The following RIPPLY1 variants were observed in gnomAD, a reference collection of about 807,000 sequenced individuals.
RIPPLY1 encodes the protein protein ripply1.
Under a neutral mutation model 8.7 loss-of-function variants are expected in RIPPLY1, and 10 were observed. That is an observed-to-expected ratio of 1.15 (90% CI 0.71 to 1.94). The LOEUF is 1.94. Ranked by LOEUF, RIPPLY1 falls within the 30% of genes most tolerant of loss-of-function variation. The pLI, the probability that RIPPLY1 is intolerant of heterozygous loss-of-function variation, is 0.00. For missense variants in RIPPLY1, 118 were observed against 108.7 expected (o/e 1.09, Z -0.38); for synonymous variants, 54 against 44.8 (o/e 1.20, Z -0.82).
rs1290418333 is a variant in RIPPLY1 at position 106,902,854 on chromosome X, T to C, written c.155+279A>G. ...GCCCAGGTTTCATGGCAGTTCCCCA[T>C]CCCCCTCAGGGGACTCAGCCACCTG... On this transcript the variant is annotated intron_variant, in intron 1 of 3. Transcript: ENST00000276173. Among the ~76,000 whole-genome samples the C allele has an allele frequency of 7.1e-5, 8 of 112,124 alleles. No homozygotes were observed. The South Asian group carries it at 1.5e-3, about 21-fold the overall frequency.
rs1470837761 is a variant in RIPPLY1, at chrX:106,902,164, C to T, written c.207G>A (p.Arg69=). 2.5e-6 allele frequency: 3 copies of T among 1,192,778 alleles called. No individual in the cohort carries two copies. The highest frequency in any genetic ancestry group is 3.4e-6 in the Non-Finnish European group (3 of 886,402). ...CCAAATCCACCAGCTTCCTCATCTG[C>T]CTTGGGGAGTCATTTGTGGAAGACA... ...PWLSSTNDSP[R]QMRKLVDLAA... The change falls in exon 2 of 4, where the codon AGG becomes AGA. Residue 69 remains arginine, a synonymous_variant. Coordinates refer to ENST00000276173, the MANE Select transcript of RIPPLY1 (RefSeq NM_138382.3).
chrX:106,901,368 A>T, intron 3 of RIPPLY1, 106 bp downstream of exon 3: 3 of 796,073 alleles, frequency 3.8e-6, no homozygotes, highest in Non-Finnish European at 5.6e-6. Context: ...TGAAACAGCG[A>T]TCATAGATAG....
intron 1 of RIPPLY1, 76 bp from the exon 2 acceptor site, chrX:106,902,291 C>T (rs1402339664): frequency 2.2e-6 from 2 of 909,946 alleles, no homozygotes; most frequent in Non-Finnish European, 3.1e-6. Flanking sequence ...AAGAGACCTC[C>T]CAAAAGCTTG....
chrX:106,901,623 G>A lies in RIPPLY1; in HGVS notation c.232-85C>T, dbSNP rs749492848. 65 of 992,279 alleles carry A rather than the reference G, an allele frequency of 6.6e-5. No individual in the cohort carries two copies. The African/African-American group carries it at 1.1e-3, about 17-fold the overall frequency. The allele number at this position is 992,279 out of a possible 1,213,427, so 81.8% of individuals were successfully genotyped here. On this transcript the variant is annotated intron_variant, in intron 2 of 3. Coordinates refer to ENST00000276173, the MANE Select transcript of RIPPLY1 (RefSeq NM_138382.3). Reference sequence around the variant, plus strand: ...TGTACTAGAGGTCAGAAAGCTGCAGGTAAAATGATCTTGAAGAGACCTTAG... The same window carrying A: ...TGTACTAGAGGTCAGAAAGCTGCAGATAAAATGATCTTGAAGAGACCTTAG...
rs1933070305 is a variant in RIPPLY1 at position 106,900,304 on chromosome X, T to G, written c.*445A>C. On this transcript the variant is annotated 3_prime_UTR_variant, in exon 4 of 4. Transcript: ENST00000276173. ...CAGGCTTTCCACAGAGAGACGGGAC[T>G]ACATGGCCACCTGGGAAGGCTAGGG... is the stretch of plus-strand genomic sequence containing the variant. 8.7e-6 allele frequency: 1 copy of G among 114,646 alleles called. No individual in the cohort carries two copies. Among genetic ancestry groups the G allele is most frequent in the African/African-American group, 3.3e-5 (1 of 30,582 alleles). 9.4% of individuals were successfully genotyped at this position (114,646 alleles called of 1,213,427 possible). A position where few individuals can be genotyped will look rare whatever the true frequency, so the allele number is the denominator to read the frequency against.
In RIPPLY1 at chrX:106,900,063, T is replaced by C. The variant is rs1205929706; in HGVS notation, c.*686A>G. The C allele has an allele frequency of 2.7e-5, 3 of 112,053 alleles. No homozygotes were observed. Among genetic ancestry groups the C allele is most frequent in the African/African-American group, 9.7e-5 (3 of 30,793 alleles). 9.2% of individuals were successfully genotyped at this position (112,053 alleles called of 1,213,427 possible). A position where few individuals can be genotyped will look rare whatever the true frequency, so the allele number is the denominator to read the frequency against. ...GAGTTCAGTTAAGAAATCAGCACAG[T>C]TCCAAGAAAAAGGAAAACACCATCC... On this transcript the variant is annotated 3_prime_UTR_variant, in exon 4 of 4. Transcript: ENST00000276173.
In RIPPLY1 at chrX:106,903,194, G is replaced by T. The variant is rs375592382; in HGVS notation, c.94C>A (p.Pro32Thr). The change falls in exon 1 of 4, where the codon CCT (proline) becomes ACT (threonine). Residue 32 changes from proline to threonine, a missense_variant. Pro to Thr is a conservative substitution (Grantham distance 38). Coordinates refer to ENST00000276173, the MANE Select transcript of RIPPLY1 (RefSeq NM_138382.3). ...AGGCAAGATGGGCTTAACAGGCCAG[G>T]GAGTGCCAGTGGGGCTTGTGCTAGG... ...PDLAQAPLAL[P>T]GLLSPSCLLS... The T allele has an allele frequency of 1.8e-4, 218 of 1,209,733 alleles. No homozygotes were observed. Among genetic ancestry groups the T allele is most frequent in the Non-Finnish European group, 2.4e-4 (213 of 894,841 alleles).
chrX:106,903,165 G>A lies in RIPPLY1; in HGVS notation c.123C>T (p.Leu41=). 1 of 1,211,246 alleles carries A rather than the reference G, an allele frequency of 8.3e-7. No individual in the cohort carries two copies. The highest frequency in any genetic ancestry group is 1.1e-6 in the Non-Finnish European group (1 of 895,141). Residue 41 remains leucine (L), a synonymous_variant, in exon 1 of 4, where the codon CTC becomes CTT. Coordinates refer to ENST00000276173, the MANE Select transcript of RIPPLY1 (RefSeq NM_138382.3). ...LPGLLSPSCL[L]SSGQEVNGSE... ...TCCCATTTACTTCTTGTCCAGAGGA[G>A]AGAAGGCAAGATGGGCTTAACAGGC... is the stretch of plus-strand genomic sequence containing the variant.
In RIPPLY1 at chrX:106,900,187, A is replaced by C. The variant is rs1472628366; in HGVS notation, c.*562T>G. On this transcript the variant is annotated 3_prime_UTR_variant, in exon 4 of 4. Transcript: ENST00000276173. ...TCCCCAGAGCAAGCCGATTCTCTAC[A>C]CACTGCCTTCCCTTCCTGTAAGACT... is the stretch of plus-strand genomic sequence containing the variant. The C allele has an allele frequency of 8.9e-6, 1 of 112,582 alleles. No homozygotes were observed. The highest frequency in any genetic ancestry group is 1.9e-5 in the Non-Finnish European group (1 of 53,374). The allele number at this position is 112,582 out of a possible 1,213,427, so 9.3% of individuals were successfully genotyped here.
Position 106,901,509 on chromosome X carries a change from G to A in RIPPLY1, c.261C>T (p.Val87=). The change falls in exon 3 of 4, where the codon GTC becomes GTT. Residue 87 remains valine (V), a synonymous_variant. Transcript: ENST00000276173. ...LAAGGATAAE[V]TKAESKFHHP... ...GATGGAACTTGGATTCAGCCTTGGT[G>A]ACCTCAGCAGCCGTTGCCCCACCAG... 2.5e-6 allele frequency: 3 copies of A among 1,211,538 alleles called. No homozygotes were observed. Among genetic ancestry groups the A allele is most frequent in the Non-Finnish European group, 3.4e-6 (3 of 895,295 alleles).
At chrX:106,902,650 A>G (rs1305255129) in intron 1 of RIPPLY1, among the ~76,000 whole-genome samples, 1 of 112,229 alleles carries the variant, frequency 8.9e-6, no homozygotes, top group Non-Finnish European at 1.9e-5. Context: ...GGGCTGAAGA[A>G]GAGGGCCAGA....
chrX:106,903,030 C>T, intron 1 of RIPPLY1, 103 bp downstream of exon 1: 1 of 912,850 alleles, frequency 1.1e-6, no homozygotes, highest in Non-Finnish European at 1.6e-6. Flanking sequence ...CATTGCTTTT[C>T]CCCTTCACAG....
intron 1 of RIPPLY1, among the ~76,000 whole-genome samples, chrX:106,902,731 G>T (rs1391570709): frequency 8.9e-6 from 1 of 111,965 alleles, no homozygotes; most frequent in African/African-American, 3.2e-5. Context: ...AAATCTTATG[G>T]CGTGGTCAGG....
chrX:106,903,171 G>A lies in RIPPLY1; in HGVS notation c.117C>T (p.Cys39=). 1 of 1,211,060 alleles carries A rather than the reference G, an allele frequency of 8.3e-7. No individual in the cohort carries two copies. The highest frequency in any genetic ancestry group is 1.8e-5 in the South Asian group (1 of 56,702). The change falls in exon 1 of 4, where the codon TGC becomes TGT. Residue 39 remains cysteine, a synonymous_variant. Coordinates refer to ENST00000276173, the MANE Select transcript of RIPPLY1 (RefSeq NM_138382.3). The part of the protein sequence containing the change: ...LALPGLLSPS[C]LLSSGQEVNG... ...TTACTTCTTGTCCAGAGGAGAGAAGGCAAGATGGGCTTAACAGGCCAGGGA... is the reference window on the plus strand; with the variant it reads ...TTACTTCTTGTCCAGAGGAGAGAAGACAAGATGGGCTTAACAGGCCAGGGA...
Position 106,900,679 on chromosome X carries a change from G to C in RIPPLY1, c.*70C>G. ...TAGGTTAGGGGTGAGGAAGGGGGATGAGCTGTGGCGCTGTAGGGTATGGAC... is the reference window on the plus strand; with the variant it reads ...TAGGTTAGGGGTGAGGAAGGGGGATCAGCTGTGGCGCTGTAGGGTATGGAC... On this transcript the variant is annotated 3_prime_UTR_variant, in exon 4 of 4. Coordinates refer to ENST00000276173, the MANE Select transcript of RIPPLY1 (RefSeq NM_138382.3). The C allele has an allele frequency of 8.8e-7, 1 of 1,138,518 alleles. No homozygotes were observed. Among genetic ancestry groups the C allele is most frequent in the Non-Finnish European group, 1.2e-6 (1 of 858,204 alleles). The allele number at this position is 1,138,518 out of a possible 1,213,427, so 93.8% of individuals were successfully genotyped here. A position where few individuals can be genotyped will look rare whatever the true frequency, so the allele number is the denominator to read the frequency against.
In RIPPLY1 at chrX:106,900,836, A is replaced by T; in HGVS notation, c.369T>A (p.Pro123=). 1 of 1,211,665 alleles carries T rather than the reference A, an allele frequency of 8.3e-7. No homozygotes were observed. The highest frequency in any genetic ancestry group is 1.1e-6 in the Non-Finnish European group (1 of 895,432). ...SAGEILLQNF[P]VQATINLYED... is the part of the protein sequence containing the mutation. ...CGTATAGGTTGATGGTTGCCTGGAC[A>T]GGAAAGTTCTGCAGTAAAATCTCCC... is the stretch of plus-strand genomic sequence containing the variant. The change falls in exon 4 of 4, where the codon CCT becomes CCA. Residue 123 remains proline, a synonymous_variant. Coordinates refer to ENST00000276173, the MANE Select transcript of RIPPLY1 (RefSeq NM_138382.3).
At position 106,903,197 on chromosome X, in the gene RIPPLY1, G is replaced by A. The variant is rs201845535; in HGVS notation, c.91C>T (p.Leu31Phe). ...APDLAQAPLA[L>F]PGLLSPSCLL... ...CAAGATGGGCTTAACAGGCCAGGGA[G>A]TGCCAGTGGGGCTTGTGCTAGGTCT... Residue 31 changes from leucine (L) to phenylalanine (F), a missense_variant, in exon 1 of 4, where the codon CTC becomes TTC. Physicochemically the swap from Leu to Phe is conservative, Grantham distance 22. Transcript: ENST00000276173. 8.3e-7 allele frequency: 1 copy of A among 1,211,130 alleles called. No individual in the cohort carries two copies. Among genetic ancestry groups the A allele is most frequent in the Non-Finnish European group, 1.1e-6 (1 of 894,996 alleles).
rs1363151724 is a variant in RIPPLY1 at position 106,903,128 on chromosome X, C to T, written c.155+5G>A. On this transcript the variant is annotated splice_donor_5th_base_variant and intron_variant, in intron 1 of 3. Coordinates refer to ENST00000276173, the MANE Select transcript of RIPPLY1 (RefSeq NM_138382.3). ...TCAGGTTGCCAAAGGCTAAGCTCAA[C>T]TTACCTTTCACTCCCATTTACTTCT... The T allele has an allele frequency of 3.3e-6, 4 of 1,211,265 alleles. No individual in the cohort carries two copies.
chrX:106,900,569 G>A lies in RIPPLY1; in HGVS notation c.*180C>T. 4 of 849,847 alleles carry A rather than the reference G, an allele frequency of 4.7e-6. No homozygotes were observed. Among genetic ancestry groups the A allele is most frequent in the Non-Finnish European group, 6.3e-6 (4 of 630,686 alleles). The allele number at this position is 849,847 out of a possible 1,213,427, so 70.0% of individuals were successfully genotyped here. ...TCAGTCCAGAAAGCTCTATCTGCTG[G>A]ACTAATACTTCCGGCTAACTGATGT... On this transcript the variant is annotated 3_prime_UTR_variant, in exon 4 of 4. Transcript: ENST00000276173.
Sources: gnomAD v4.1 joint callset for allele counts (sites outside exome capture counted in the v4.1 genomes callset) on GRCh38, gnomAD v4.1.1 for gene constraint, MANE v1.5 for transcripts, NCBI Gene and HGNC (gene_info 2026-07-23, HGNC 2026-07-21) for gene names.